Variants in EPB41L4A observed in about 807,000 individuals in gnomAD.
EPB41L4A encodes the protein erythrocyte membrane protein band 4.1 like 4A.
In EPB41L4A, 100 loss-of-function variants were observed where a neutral mutation model predicts 108.6. The ratio of observed to expected loss-of-function variants is 0.92; its 90% confidence interval spans 0.78 to 1.09. The LOEUF (loss-of-function observed/expected upper bound fraction) is 1.09. EPB41L4A is among the 50% of genes least tolerant of loss of function. The pLI is 0.00. For missense variants in EPB41L4A, 1,030 were observed against 842.7 expected (o/e 1.22, Z -2.75); for synonymous variants, 319 against 289.0 (o/e 1.10, Z -1.05).
chr5:112,260,616 A>C (rs1751429246), intron 7 of EPB41L4A, among the ~76,000 whole-genome samples: 1 of 152,154 alleles, frequency 6.6e-6, no homozygotes, highest in African/African-American at 2.4e-5. Context: ...TCCACCTATA[A>C]CTTTAAGAGT....
At chr5:112,258,959 T>C (rs547312732) in intron 9 of EPB41L4A, among the ~76,000 whole-genome samples, 38 of 152,272 alleles carry the variant, frequency 2.5e-4, no homozygotes, top group African/African-American at 8.9e-4. Flanking sequence ...CAAATTGCAC[T>C]AACAACAATG....
intron 18 of EPB41L4A, among the ~76,000 whole-genome samples, chr5:112,176,434 C>G (rs960278005): frequency 6.6e-6 from 1 of 152,128 alleles, no homozygotes; most frequent in Admixed American, 6.6e-5. Context: ...GCATCTCAAA[C>G]CTAACAAAGA....
intron 12 of EPB41L4A, among the ~76,000 whole-genome samples, chr5:112,222,493 T>A (rs986239119): frequency 1.3e-5 from 2 of 152,222 alleles, no homozygotes; most frequent in Admixed American, 6.5e-5. Flanking sequence ...ACTGTTTTCA[T>A]GCAAGGAAAT....
chr5:112,337,409 A>G (rs1385265057), intron 1 of EPB41L4A, among the ~76,000 whole-genome samples: 2 of 152,200 alleles, frequency 1.3e-5, no homozygotes, highest in Non-Finnish European at 2.9e-5. Context: ...CTGTTTTATC[A>G]GTAATGCTAC....
intron 18 of EPB41L4A, 118 bp from the exon 19 acceptor site, chr5:112,171,110 G>C (rs934787320): frequency 2.4e-6 from 2 of 848,384 alleles, no homozygotes; most frequent in Non-Finnish European, 3.8e-6. Flanking sequence ...GAACAGACAA[G>C]GAAAGACTGG....
intron 1 of EPB41L4A, among the ~76,000 whole-genome samples, chr5:112,349,770 C>T (rs1173732785): frequency 2.6e-5 from 4 of 152,182 alleles, no homozygotes; most frequent in African/African-American, 7.2e-5. Context: ...TAAATGAAAC[C>T]TAGAGGAAGC....
chr5:112,347,972 C>T (rs936484815), intron 1 of EPB41L4A, among the ~76,000 whole-genome samples: 2 of 152,226 alleles, frequency 1.3e-5, no homozygotes, highest in African/African-American at 4.8e-5. Context: ...AGGCTCCCTA[C>T]TGCTTACCAT....
At chr5:112,375,641 C>T (rs1759772270) in intron 1 of EPB41L4A, among the ~76,000 whole-genome samples, 1 of 152,294 alleles carries the variant, frequency 6.6e-6, no homozygotes, top group Non-Finnish European at 1.5e-5. Flanking sequence ...AAGAGAAATG[C>T]CATTATGCTC....
At chr5:112,365,885 G>T (rs945203796) in intron 1 of EPB41L4A, among the ~76,000 whole-genome samples, 9 of 152,160 alleles carry the variant, frequency 5.9e-5, no homozygotes, top group Admixed American at 2.6e-4. Flanking sequence ...GAAAACATCG[G>T]ATTTCAAAAT....
chr5:112,236,731 G>A (rs188877056), intron 11 of EPB41L4A, among the ~76,000 whole-genome samples: 1 of 152,276 alleles, frequency 6.6e-6, no homozygotes, highest in Admixed American at 6.5e-5. Flanking sequence ...GCCTCTAAGT[G>A]AGACAGAAAG....
At chr5:112,266,982 CAG>C (rs1375470980) in intron 4 of EPB41L4A, among the ~76,000 whole-genome samples, 2 of 152,172 alleles carry the variant, frequency 1.3e-5, no homozygotes, top group African/African-American at 4.8e-5. Context: ...CTGATAGACT[CAG>C]GGGTGAAATA....
chr5:112,340,961 G>T (rs1474788509), intron 1 of EPB41L4A, among the ~76,000 whole-genome samples: 1 of 152,066 alleles, frequency 6.6e-6, no homozygotes, highest in East Asian at 1.9e-4. Flanking sequence ...ACAGCCACAT[G>T]GCTTAGTCCC....
At chr5:112,412,131 A>G (rs1762448110) in intron 1 of EPB41L4A, among the ~76,000 whole-genome samples, 1 of 152,172 alleles carries the variant, frequency 6.6e-6, no homozygotes, top group African/African-American at 2.4e-5. Context: ...CGGTCCACCA[A>G]TTCCTCCTTT....
intron 1 of EPB41L4A, among the ~76,000 whole-genome samples, chr5:112,319,278 GAT>G (rs148312268): frequency 0.047 from 7,119 of 152,254 alleles, 220 homozygotes; most frequent in Middle Eastern, 0.11. Flanking sequence ...CAAAAAAAAT[GAT>G]AGTGTCAGAT....
chr5:112,210,053 C>T, intron 12 of EPB41L4A, 71 bp from the exon 13 acceptor site: 1 of 952,208 alleles, frequency 1.1e-6, no homozygotes, highest in Non-Finnish European at 1.6e-6. Context: ...AAACAGAAGA[C>T]TTATTTTAAA....
At chr5:112,418,130 T>C (rs188346435) in intron 1 of EPB41L4A, among the ~76,000 whole-genome samples, 1 of 152,246 alleles carries the variant, frequency 6.6e-6, no homozygotes, top group East Asian at 1.9e-4. Flanking sequence ...AAGAGAAAGA[T>C]AAACAAAACA....
intron 1 of EPB41L4A, among the ~76,000 whole-genome samples, chr5:112,342,309 A>C (rs903603891): frequency 6.6e-6 from 1 of 152,164 alleles, no homozygotes; most frequent in South Asian, 2.1e-4. Flanking sequence ...TTTCCCACTG[A>C]ATTACAGAAA....
chr5:112,339,528 C>CTATATCTATATATA (rs1757163756), intron 1 of EPB41L4A, among the ~76,000 whole-genome samples: 1 of 25,456 alleles, frequency 3.9e-5, no homozygotes, highest in African/African-American at 8.2e-5. Context: ...AGATATATAT[C>CTATATCTATATATA]TATATATATA....
At chr5:112,381,692 T>G (rs558355500) in intron 1 of EPB41L4A, among the ~76,000 whole-genome samples, 1 of 152,376 alleles carries the variant, frequency 6.6e-6, no homozygotes, top group African/African-American at 2.4e-5. Flanking sequence ...GAAGCTGGGA[T>G]GCTGCCTTGA....
Sources: allele counts gnomAD v4.1 joint callset (sites outside exome capture counted in the v4.1 genomes callset), GRCh38; gene constraint gnomAD v4.1.1; transcripts MANE v1.5; gene names NCBI Gene and HGNC (gene_info 2026-07-23, HGNC 2026-07-21).